Variants in USF3 observed in about 807,000 individuals in gnomAD.
USF3 encodes upstream transcription factor family member 3.
Under a neutral mutation model 157.5 loss-of-function variants are expected in USF3, and 29 were observed. That is an observed-to-expected ratio of 0.18 (90% CI 0.14 to 0.25). The LOEUF (loss-of-function observed/expected upper bound fraction) is 0.25, where lower values mean the gene tolerates loss of function less well. Ranked by LOEUF, USF3 falls within the 10% of genes least tolerant of loss-of-function variation. The probability of loss-of-function intolerance (pLI) is 1.00; values close to 1 mark genes in which losing one functional copy is unlikely to be tolerated. For synonymous variants in USF3, 893 were observed against 941.4 expected, an observed-to-expected ratio of 0.95 and a Z score of 0.94; for missense variants, 2,381 against 2,667.6, an observed-to-expected ratio of 0.89 and a Z score of 2.37.
rs981912616 is a variant in USF3, at chr3:113,654,064, T to C, written c.*880A>G. On this transcript the variant is annotated 3_prime_UTR_variant, in exon 7 of 7. Transcript: ENST00000316407. ...AGAATTTATTTCAAGACCAAATAAA[T>C]AGAATGAAGAGAGAATACTAAATTA... The C allele has an allele frequency of 2.0e-5, 3 of 152,322 alleles. No individual in the cohort carries two copies. 9.4% of individuals were successfully genotyped at this position (152,322 alleles called of 1,614,324 possible).
At chr3:113,682,962 T>A (rs2107954632) in intron 1 of USF3, among the ~76,000 whole-genome samples, 1 of 151,646 alleles carries the variant, frequency 6.6e-6, no homozygotes, top group African/African-American at 2.4e-5. Context: ...ATTTAGCTCA[T>A]TTACATTCAA....
intron 1 of USF3, among the ~76,000 whole-genome samples, chr3:113,687,264 C>T (rs902393777): frequency 2.0e-5 from 3 of 149,080 alleles, no homozygotes; most frequent in South Asian, 2.1e-4. Flanking sequence ...CACACACACA[C>T]ACCCCCTTTC....
chr3:113,660,938 C>T lies in USF3; in HGVS notation c.744G>A (p.Val248=), dbSNP rs1004299401. The change falls in exon 7 of 7, where the codon GTG becomes GTA. Residue 248 remains valine (V), a synonymous_variant. Coordinates refer to ENST00000316407, the MANE Select transcript of USF3 (RefSeq NM_001009899.4). ...TCAGTGAGCCACTAGTGGCACCAAG[C>T]ACATTTGATTCGCTTTCAGAGGTGG... ...ELPTSESESN[V]LGATSGSLIA... The T allele has an allele frequency of 6.2e-7, 1 of 1,614,062 alleles. No individual in the cohort carries two copies. The highest frequency in any genetic ancestry group is 1.3e-5 in the African/African-American group (1 of 74,924).
At position 113,660,033 on chromosome 3, in the gene USF3, T is replaced by C. The variant is rs780886947; in HGVS notation, c.1649A>G (p.Gln550Arg). 4.3e-6 allele frequency: 7 copies of C among 1,614,192 alleles called. No individual in the cohort carries two copies. Among genetic ancestry groups the C allele is most frequent in the Non-Finnish European group, 5.9e-6 (7 of 1,180,018 alleles). ...AGGTGGCTGAAGAATTATAACATTT[T>C]GATTAGTTGGAGCTGAATTAACAGC... is the stretch of plus-strand genomic sequence containing the variant. ...GSAVNSAPTNQNVIILQPPST... is the reference protein window; with the variant it reads ...GSAVNSAPTNRNVIILQPPST... Residue 550 changes from glutamine (Q) to arginine (R), a missense_variant, in exon 7 of 7, where the codon CAA (glutamine) becomes CGA (arginine). Gln to Arg is a conservative substitution (Grantham distance 43, BLOSUM62 1). Transcript: ENST00000316407.
chr3:113,679,350 A>G (rs984407193), intron 1 of USF3, among the ~76,000 whole-genome samples: 2 of 151,984 alleles, frequency 1.3e-5, no homozygotes, highest in African/African-American at 2.4e-5. Context: ...GTTTTGACGA[A>G]TGCACACAAC....
chr3:113,671,902 G>A (rs1559717240), intron 4 of USF3, among the ~76,000 whole-genome samples: 1 of 151,046 alleles, frequency 6.6e-6, no homozygotes, highest in Non-Finnish European at 1.5e-5. Context: ...CAGAGTAGCT[G>A]GAACCATAGA....
chr3:113,684,277 G>GATCCTTTTTT (rs1468290720), intron 1 of USF3, among the ~76,000 whole-genome samples: 7 of 151,886 alleles, frequency 4.6e-5, no homozygotes, highest in Middle Eastern at 3.4e-3. Flanking sequence ...CTGCTCTTAG[G>GATCCTTTTTT]ATCCTTTTTT....
chr3:113,694,505 G>A (rs757615912), intron 1 of USF3, among the ~76,000 whole-genome samples: 15 of 152,116 alleles, frequency 9.9e-5, no homozygotes, highest in Non-Finnish European at 1.6e-4. Context: ...TTATATCAGC[G>A]AATGTTCTAG....
Position 113,670,867 on chromosome 3 carries a change from G to A in USF3, c.77-664C>T, listed in dbSNP as rs147144087. Among the ~76,000 whole-genome samples, 604 of 151,996 alleles carry A rather than the reference G, an allele frequency of 4.0e-3. 4 individuals carry two copies. The highest frequency in any genetic ancestry group is 0.014 in the African/African-American group (571 of 41,466). On this transcript the variant is annotated intron_variant, in intron 4 of 6. Coordinates refer to ENST00000316407, the MANE Select transcript of USF3 (RefSeq NM_001009899.4). ...CCCCTTCCCTGGGCTCAGGCCTCCC[G>A]AATAGCTGGGACCACAGGCATGCAG...
At chr3:113,664,969 G>A (rs905318364) in intron 5 of USF3, among the ~76,000 whole-genome samples, 1 of 152,194 alleles carries the variant, frequency 6.6e-6, no homozygotes, top group Non-Finnish European at 1.5e-5. Flanking sequence ...GCTGGCACTT[G>A]ATCTTGGACT....
At position 113,653,076 on chromosome 3, in the gene USF3, G is replaced by C; in HGVS notation, c.*1868C>G. The C allele has an allele frequency of 3.5e-6, 1 of 285,268 alleles. No individual in the cohort carries two copies. The highest frequency in any genetic ancestry group is 6.2e-6 in the Non-Finnish European group (1 of 161,268). 17.7% of individuals were successfully genotyped at this position (285,268 alleles called of 1,614,324 possible). A position where few individuals can be genotyped will look rare whatever the true frequency, so the allele number is the denominator to read the frequency against. On this transcript the variant is annotated 3_prime_UTR_variant, in exon 7 of 7. Coordinates refer to ENST00000316407, the MANE Select transcript of USF3 (RefSeq NM_001009899.4). The stretch of plus-strand genomic sequence containing the variant: ...CTCAAAAAAAAAAGAAAAGAAGAAA[G>C]AAAAGAAAAGCTGGTCCTTGAGTTC...
Position 113,650,657 on chromosome 3 carries a change from C to G in USF3, c.*4287G>C, listed in dbSNP as rs1947246302. 1 of 152,198 alleles carries G rather than the reference C, an allele frequency of 6.6e-6. No homozygotes were observed. The highest frequency in any genetic ancestry group is 2.4e-5 in the African/African-American group (1 of 41,442). 9.4% of individuals were successfully genotyped at this position (152,198 alleles called of 1,614,324 possible). A position where few individuals can be genotyped will look rare whatever the true frequency, so the allele number is the denominator to read the frequency against. On this transcript the variant is annotated 3_prime_UTR_variant, in exon 7 of 7. Coordinates refer to ENST00000316407, the MANE Select transcript of USF3 (RefSeq NM_001009899.4). The stretch of plus-strand genomic sequence containing the variant: ...TTTGGAGTATAAGTTTTAGCCTCTC[C>G]ATGAAATGGCTAATGTTAGAAGGCA...
rs1165244636 is a variant in USF3, at chr3:113,655,612, G to C, written c.6070C>G (p.Leu2024Val). The C allele has an allele frequency of 3.1e-6, 5 of 1,614,058 alleles. No individual in the cohort carries two copies. Among genetic ancestry groups the C allele is most frequent in the Admixed American group, 3.3e-5 (2 of 60,010 alleles). ...TCTGTGGCAGGTTGTTGACGTCCAAGAATCATACTGCCACCAGTAGAGAGA... is the reference window on the plus strand; with the variant it reads ...TCTGTGGCAGGTTGTTGACGTCCAACAATCATACTGCCACCAGTAGAGAGA... ...LPLSTGGSMI[L>V]GRQQPATEKR... The change falls in exon 7 of 7, where the codon CTT becomes GTT. Residue 2024 changes from leucine to valine, a missense_variant. Leu to Val is a conservative substitution (Grantham distance 32). Coordinates refer to ENST00000316407, the MANE Select transcript of USF3 (RefSeq NM_001009899.4).
At chr3:113,678,841 G>T (rs1056776215) in intron 1 of USF3, among the ~76,000 whole-genome samples, 1 of 151,922 alleles carries the variant, frequency 6.6e-6, no homozygotes, top group Non-Finnish European at 1.5e-5. Flanking sequence ...TCAAACTTCT[G>T]GCTCTCAAAC....
chr3:113,683,869 T>G (rs1189906774), intron 1 of USF3, among the ~76,000 whole-genome samples: 1 of 152,248 alleles, frequency 6.6e-6, no homozygotes, highest in Admixed American at 6.5e-5. Context: ...CTTTTAGTCT[T>G]CCTATTCAAG....
Position 113,656,721 on chromosome 3 carries a change from G to C in USF3, c.4961C>G (p.Thr1654Ser). 1 of 1,614,128 alleles carries C rather than the reference G, an allele frequency of 6.2e-7. No individual in the cohort carries two copies. Among genetic ancestry groups the C allele is most frequent in the Non-Finnish European group, 8.5e-7 (1 of 1,180,036 alleles). The change falls in exon 7 of 7, where the codon ACC becomes AGC. Residue 1654 changes from threonine (T) to serine (S), a missense_variant. By Grantham distance (58) the Thr-to-Ser change is moderately conservative. Coordinates refer to ENST00000316407, the MANE Select transcript of USF3 (RefSeq NM_001009899.4). ...PSIVTRSSDM[T>S]CTPHRPERNR... ...TCTCTCTGGCCTGTGTGGAGTACAG[G>C]TCATGTCTGAAGATCTAGTCACAAT...
rs200386925 is a variant in USF3, at chr3:113,658,972, T to C, written c.2710A>G (p.Met904Val). 44 of 1,614,080 alleles carry C rather than the reference T, an allele frequency of 2.7e-5. No individual in the cohort carries two copies. Among genetic ancestry groups the C allele is most frequent in the East Asian group, 2.7e-4 (12 of 44,894 alleles). The change falls in exon 7 of 7, where the codon ATG becomes GTG. Residue 904 changes from methionine (M) to valine (V), a missense_variant. Physicochemically the swap from Met to Val is conservative, Grantham distance 21 (BLOSUM62 1). Coordinates refer to ENST00000316407, the MANE Select transcript of USF3 (RefSeq NM_001009899.4). ...QESVTSEHFA[M>V]AAAKSKDSTP... ...GAATCTTTGGATTTTGCTGCGGCCA[T>C]TGCAAAATGTTCACTTGTTACAGAT...
chr3:113,693,731 T>C (rs1707740448), intron 1 of USF3, among the ~76,000 whole-genome samples: 1 of 152,234 alleles, frequency 6.6e-6, no homozygotes, highest in South Asian at 2.1e-4. Context: ...TTTAACCATG[T>C]AGCATAGAAG....
chr3:113,685,799 T>C (rs1707533671), intron 1 of USF3, among the ~76,000 whole-genome samples: 1 of 152,202 alleles, frequency 6.6e-6, no homozygotes, highest in Non-Finnish European at 1.5e-5. Flanking sequence ...GGGCAGTGGG[T>C]TCCCTTCTGG....
Sources: gnomAD v4.1 joint callset for allele counts (sites outside exome capture counted in the v4.1 genomes callset) on GRCh38, gnomAD v4.1.1 for gene constraint, MANE v1.5 for transcripts, NCBI Gene and HGNC (gene_info 2026-07-23, HGNC 2026-07-21) for gene names.